DAB1: variants seen among roughly 807,000 people sequenced by gnomAD.
DAB1 encodes DAB adaptor protein 1.
Under a neutral mutation model 64.6 loss-of-function variants are expected in DAB1, and 15 were observed. The observed-to-expected ratio is 0.23, with a 90% confidence interval of 0.16 to 0.36. The LOEUF is 0.36. DAB1 is among the 10% of genes least tolerant of loss of function. DAB1 has a pLI of 1.00. For synonymous variants in DAB1, 235 were observed against 251.9 expected, an observed-to-expected ratio of 0.93 and a Z score of 0.64; for missense variants, 596 against 706.7, an observed-to-expected ratio of 0.84 and a Z score of 1.78.
At chr1:58,464,192 C>T (rs1040811835) in intron 3 of DAB1, among the ~76,000 whole-genome samples, 4 of 152,136 alleles carry the variant, frequency 2.6e-5, no homozygotes, top group South Asian at 2.1e-4. Flanking sequence ...AGAGATGTTC[C>T]GTTAAAGGTA....
At chr1:57,541,269 C>A (rs1164129281) in intron 7 of DAB1, among the ~76,000 whole-genome samples, 1 of 151,968 alleles carries the variant, frequency 6.6e-6, no homozygotes, top group East Asian at 1.9e-4. Flanking sequence ...GCTGGGACTA[C>A]AGGCGCCTGC....
At chr1:58,092,576 G>A (rs1022039306) in intron 5 of DAB1, among the ~76,000 whole-genome samples, 2 of 152,130 alleles carry the variant, frequency 1.3e-5, no homozygotes, top group African/African-American at 4.8e-5. Context: ...AGACTTCCAG[G>A]TCCTTTCATG....
At chr1:58,085,546 T>C (rs1650249632) in intron 5 of DAB1, among the ~76,000 whole-genome samples, 1 of 151,956 alleles carries the variant, frequency 6.6e-6, no homozygotes, top group African/African-American at 2.4e-5. Flanking sequence ...CAAAAACTTT[T>C]GCATAGAGAC....
intron 4 of DAB1, among the ~76,000 whole-genome samples, chr1:57,086,706 C>CG (rs888788164): frequency 1.4e-5 from 2 of 141,584 alleles, no homozygotes; most frequent in Non-Finnish European, 3.1e-5. Context: ...ACCTGAATGG[C>CG]GGGGGGAGGG....
intron 8 of DAB1, among the ~76,000 whole-genome samples, chr1:57,064,208 AC>A (rs1224055889): frequency 1.3e-5 from 2 of 152,168 alleles, no homozygotes. Flanking sequence ...ATCTCATTTA[AC>A]TTAAAATCTT....
chr1:58,110,038 C>T (rs1269618765), intron 5 of DAB1, among the ~76,000 whole-genome samples: 3 of 152,206 alleles, frequency 2.0e-5, no homozygotes, highest in South Asian at 4.1e-4. Flanking sequence ...CAATCAGGGA[C>T]TCTCCCTAGA....
intron 2 of DAB1, among the ~76,000 whole-genome samples, chr1:57,213,589 T>C (rs775849349): frequency 6.6e-6 from 1 of 152,200 alleles, no homozygotes; most frequent in African/African-American, 2.4e-5. Flanking sequence ...TTTGCCATAA[T>C]AATCACGTTT....
intron 2 of DAB1, among the ~76,000 whole-genome samples, chr1:57,251,258 G>T (rs187489054): frequency 1.1e-3 from 167 of 152,302 alleles, no homozygotes; most frequent in African/African-American, 3.9e-3. Context: ...GAAAGGTCTT[G>T]CTGCAAGAAG....
intron 6 of DAB1, among the ~76,000 whole-genome samples, chr1:57,739,206 T>C (rs1647844278): frequency 4.6e-5 from 7 of 152,154 alleles, no homozygotes. Flanking sequence ...TAAATCTCTG[T>C]GGGCTCTCCA....
At chr1:57,910,413 T>C (rs1644624268) in intron 5 of DAB1, among the ~76,000 whole-genome samples, 1 of 152,256 alleles carries the variant, frequency 6.6e-6, no homozygotes, top group African/African-American at 2.4e-5. Flanking sequence ...TTAGACGTAC[T>C]GCGATGAATA....
chr1:58,071,101 A>T (rs765775750), intron 5 of DAB1, among the ~76,000 whole-genome samples: 2 of 152,138 alleles, frequency 1.3e-5, no homozygotes, highest in African/African-American at 2.4e-5. Context: ...AGCTCTGGGG[A>T]CACCAAGATG....
intron 3 of DAB1, among the ~76,000 whole-genome samples, chr1:58,344,599 A>G (rs574510131): frequency 6.6e-6 from 1 of 152,320 alleles, no homozygotes; most frequent in African/African-American, 2.4e-5. Flanking sequence ...AGATAATCCG[A>G]AAAGCCCCTT....
intron 5 of DAB1, among the ~76,000 whole-genome samples, chr1:57,984,334 T>C (rs1387361674): frequency 3.9e-5 from 6 of 152,090 alleles, no homozygotes; most frequent in Admixed American, 6.5e-5. Context: ...TGTTTCTAAT[T>C]AATATTTCCC....
intron 1 of DAB1, among the ~76,000 whole-genome samples, chr1:57,296,316 T>C (rs986572172): frequency 6.6e-6 from 1 of 152,162 alleles, no homozygotes; most frequent in African/African-American, 2.4e-5. Context: ...GGTATGAATG[T>C]ATATATGTGT....
intron 4 of DAB1, among the ~76,000 whole-genome samples, chr1:58,327,255 A>G (rs973313095): frequency 6.6e-6 from 1 of 152,108 alleles, no homozygotes; most frequent in Non-Finnish European, 1.5e-5. Flanking sequence ...TTTTCTTCCC[A>G]TGATAATAAA....
At chr1:58,165,586 G>T (rs560054859) in intron 4 of DAB1, among the ~76,000 whole-genome samples, 2 of 152,314 alleles carry the variant, frequency 1.3e-5, no homozygotes, top group African/African-American at 4.8e-5. Flanking sequence ...TGTTATTAAA[G>T]TTGCTTATCT....
chr1:57,325,063 C>G (rs1179297079), intron 1 of DAB1, among the ~76,000 whole-genome samples: 1 of 152,194 alleles, frequency 6.6e-6, no homozygotes, highest in Non-Finnish European at 1.5e-5. Context: ...GATGCTGGAG[C>G]CTGCCCATTT....
chr1:58,064,693 TTATGTATTTATTTATGTATTTATG>T (rs1467550782), intron 5 of DAB1, among the ~76,000 whole-genome samples: 3 of 111,518 alleles, frequency 2.7e-5, no homozygotes, highest in African/African-American at 1.0e-4. Context: ...TTTTATTTAT[TTATGTATTTATTTATGTATTTATG>T]TATTTATTTA....
chr1:57,517,779 A>G (rs918329072), intron 7 of DAB1, among the ~76,000 whole-genome samples: 1 of 152,210 alleles, frequency 6.6e-6, no homozygotes, highest in Non-Finnish European at 1.5e-5. Context: ...GTAGGTAACA[A>G]TGATAGCCAC....
Sources: allele counts gnomAD v4.1 joint callset (sites outside exome capture counted in the v4.1 genomes callset), GRCh38; gene constraint gnomAD v4.1.1; transcripts MANE v1.5; gene names NCBI Gene and HGNC (gene_info 2026-07-23, HGNC 2026-07-21).